The following ABCB1 variants were observed in gnomAD, a reference collection of about 807,000 sequenced individuals.
ABCB1 encodes the protein ATP-dependent translocase ABCB1.
ABCB1 carries 69 observed loss-of-function variants against 142.0 expected under a neutral mutation model. The ratio of observed to expected loss-of-function variants is 0.49; its 90% confidence interval spans 0.40 to 0.59. The LOEUF (loss-of-function observed/expected upper bound fraction) is 0.59, where lower values mean the gene tolerates loss of function less well. Ranked by LOEUF, ABCB1 falls within the 20% of genes least tolerant of loss-of-function variation. ABCB1 has a pLI of 0.00. For synonymous variants in ABCB1, 532 were observed against 539.2 expected (o/e 0.99, Z 0.18); for missense variants, 1,326 against 1,554.7 (o/e 0.85, Z 2.47).
At chr7:87,580,837 C>T (rs1214836368) in intron 4 of ABCB1, among the ~76,000 whole-genome samples, 1 of 151,930 alleles carries the variant, frequency 6.6e-6, no homozygotes, top group African/African-American at 2.4e-5. Context: ...TATTAAGAGA[C>T]TGTGATTCAT....
At position 87,670,046 on chromosome 7, in the gene ABCB1, A is replaced by G. The variant is rs80149410; in HGVS notation, c.-331+43115T>C. Among the ~76,000 whole-genome samples, 834 of 152,218 alleles carry G rather than the reference A, an allele frequency of 5.5e-3. 2 individuals are homozygous for G. The highest frequency in any genetic ancestry group is 0.01 in the Middle Eastern group (3 of 292). ...CCTCGTTGGGGAAGTTTTCATGGAC[A>G]ATTTCCTGAAATATGTTTTCCAAGT... On this transcript the variant is annotated intron_variant, in intron 1 of 28. Coordinates refer to the ABCB1 transcript ENST00000265724.
In ABCB1 at chr7:87,545,943, C is replaced by T; in HGVS notation, c.1807G>A (p.Asp603Asn). Reference sequence around the variant, plus strand: ...TTTCCTTTCTCCACAATGACTCCATCATCGAAACCAGCGATGACGTCAGCA... The same window carrying T: ...TTTCCTTTCTCCACAATGACTCCATTATCGAAACCAGCGATGACGTCAGCA... ...RNADVIAGFDDGVIVEKGNHD... is the reference protein window; with the variant it reads ...RNADVIAGFDNGVIVEKGNHD... Residue 603 changes from aspartate to asparagine, a missense_variant, in exon 15 of 28, where the codon GAT (aspartate) becomes AAT (asparagine). By Grantham distance (23) the Asp-to-Asn change is conservative (BLOSUM62 1). Coordinates refer to ENST00000622132, the MANE Select transcript of ABCB1 (RefSeq NM_001348946.2). 1 of 1,614,170 alleles carries T rather than the reference C, an allele frequency of 6.2e-7. No individual in the cohort carries two copies.
intron 25 of ABCB1, among the ~76,000 whole-genome samples, chr7:87,509,994 A>T (rs1814933194): frequency 6.6e-6 from 1 of 152,206 alleles, no homozygotes; most frequent in South Asian, 2.1e-4. Context: ...AGGGGCCACA[A>T]GCAAGAAAAC....
At chr7:87,614,518 A>C (rs1563075277) in intron 1 of ABCB1, among the ~76,000 whole-genome samples, 2 of 152,252 alleles carry the variant, frequency 1.3e-5, no homozygotes, top group Non-Finnish European at 2.9e-5. Context: ...TGTGTGATAG[A>C]TTACAGCATC....
intron 1 of ABCB1, among the ~76,000 whole-genome samples, chr7:87,679,220 G>A (rs1242115414): frequency 6.8e-6 from 1 of 146,458 alleles, no homozygotes; most frequent in African/African-American, 2.6e-5. Flanking sequence ...AGCCTCCCAA[G>A]AAGCTGGGAC....
intron 8 of ABCB1, among the ~76,000 whole-genome samples, chr7:87,554,926 G>GA (rs530002558): frequency 5.3e-5 from 8 of 151,816 alleles, no homozygotes; most frequent in African/African-American, 1.5e-4. Flanking sequence ...ATGAGCAAAT[G>GA]AAAAAAAATC....
At chr7:87,670,804 T>G (rs994440691) in intron 1 of ABCB1, among the ~76,000 whole-genome samples, 3 of 152,186 alleles carry the variant, frequency 2.0e-5, no homozygotes, top group African/African-American at 7.2e-5. Context: ...GGCTTTTTGG[T>G]CAGTTGGTAG....
At position 87,575,123 on chromosome 7, in the gene ABCB1, G is replaced by A. The variant is rs529944837; in HGVS notation, c.287-4900C>T. 4.6e-5 allele frequency among the ~76,000 whole-genome samples: 7 copies of A among 152,208 alleles called. No homozygotes were observed. The South Asian group carries it at 8.3e-4, about 18-fold the overall frequency. On this transcript the variant is annotated intron_variant, in intron 4 of 27. Coordinates refer to ENST00000622132, the MANE Select transcript of ABCB1 (RefSeq NM_001348946.2). ...CAAGAAAAGCCTTTTCTAAACCCAA[G>A]CAAGACTTTAAAGGATAAGACTGTA...
chr7:87,513,135 G>T (rs1225429311), intron 25 of ABCB1, among the ~76,000 whole-genome samples: 1 of 152,152 alleles, frequency 6.6e-6, no homozygotes, highest in Non-Finnish European at 1.5e-5. Flanking sequence ...CTAGTCTCGT[G>T]TCTTTAAATT....
At chr7:87,661,363 A>G (rs1824694249) in intron 1 of ABCB1, among the ~76,000 whole-genome samples, 1 of 149,598 alleles carries the variant, frequency 6.7e-6, no homozygotes, top group Non-Finnish European at 1.5e-5. Flanking sequence ...TATTAGTTCT[A>G]TCTAACTACA....
chr7:87,585,738 T>C (rs535143766), intron 3 of ABCB1, 58 bp from the exon 4 acceptor site: 144 of 1,569,312 alleles, frequency 9.2e-5, no homozygotes, highest in Middle Eastern at 6.7e-4. Context: ...CATGGAAGAT[T>C]TGCTTTTCCT....
chr7:87,515,703 A>C (rs1025520498), intron 24 of ABCB1, among the ~76,000 whole-genome samples: 6 of 151,460 alleles, frequency 4.0e-5, no homozygotes, highest in African/African-American at 1.5e-4. Context: ...CAATTCTCGT[A>C]CCTCAGCCTC....
intron 1 of ABCB1, chr7:87,628,882 G>T (rs761377106): frequency 1.5e-6 from 2 of 1,296,302 alleles, no homozygotes; most frequent in African/African-American, 1.5e-5. Context: ...GGCGGAGGCG[G>T]CAAGAAAAGC....
At chr7:87,701,918 C>T (rs1361685485) in intron 1 of ABCB1, among the ~76,000 whole-genome samples, 10 of 151,702 alleles carry the variant, frequency 6.6e-5, no homozygotes, top group East Asian at 1.9e-4. Context: ...CCGAGGCAGG[C>T]GGATCACGAG....
At chr7:87,529,552 G>C (rs1241887889) in intron 21 of ABCB1, among the ~76,000 whole-genome samples, 1 of 152,130 alleles carries the variant, frequency 6.6e-6, no homozygotes, top group East Asian at 1.9e-4. Flanking sequence ...TGGCCCCTCT[G>C]ACAGAACTCC....
chr7:87,616,852 C>T (rs1279099978), intron 1 of ABCB1, among the ~76,000 whole-genome samples: 3 of 152,086 alleles, frequency 2.0e-5, no homozygotes, highest in Non-Finnish European at 4.4e-5. Context: ...ACCAACTGGT[C>T]TCTTCTCTTG....
In ABCB1 at chr7:87,516,243, C is replaced by T. The variant is rs191669453; in HGVS notation, c.3084+266G>A. On this transcript the variant is annotated intron_variant, in intron 24 of 27. Transcript: ENST00000622132. The stretch of plus-strand genomic sequence containing the variant: ...CCTGGATGACAGAGTAAGACTCTGT[C>T]TCTAAAAAAAAATTGTTTTTAAAAA... 2.6e-5 allele frequency among the ~76,000 whole-genome samples: 4 copies of T among 152,032 alleles called. No individual in the cohort carries two copies. In the East Asian group the frequency reaches 7.7e-4, roughly 29 times the overall value.
intron 8 of ABCB1, among the ~76,000 whole-genome samples, chr7:87,556,245 A>G (rs1563051017): frequency 6.6e-6 from 1 of 152,232 alleles, no homozygotes; most frequent in Non-Finnish European, 1.5e-5. Flanking sequence ...TCAATAATGC[A>G]AGTAACTACT....
At chr7:87,551,688 C>T (rs923285917) in intron 9 of ABCB1, among the ~76,000 whole-genome samples, 4 of 152,050 alleles carry the variant, frequency 2.6e-5, no homozygotes, top group African/African-American at 9.7e-5. Flanking sequence ...GATGAGATCT[C>T]ACTATGTTGC....
Sources: gnomAD v4.1 joint callset for allele counts (sites outside exome capture counted in the v4.1 genomes callset) on GRCh38, gnomAD v4.1.1 for gene constraint, MANE v1.5 for transcripts, NCBI Gene and HGNC (gene_info 2026-07-23, HGNC 2026-07-21) for gene names.